The following NTRK3 variants were observed in gnomAD, a reference collection of about 807,000 sequenced individuals.
NTRK3 encodes NT-3 growth factor receptor.
Under a neutral mutation model 91.7 loss-of-function variants are expected in NTRK3, and 24 were observed. The observed-to-expected ratio is 0.26, with a 90% CI of 0.19 to 0.37. NTRK3 has a LOEUF of 0.37. NTRK3 is among the 10% of genes least tolerant of loss of function. The pLI, the probability that NTRK3 is intolerant of heterozygous loss-of-function variation, is 1.00. For missense variants in NTRK3, 880 were observed against 1,068.9 expected (o/e 0.82, Z 2.46); for synonymous variants, 483 against 404.0 (o/e 1.20, Z -2.34).
At chr15:88,104,867 C>A (rs1364808213) in intron 13 of NTRK3, among the ~76,000 whole-genome samples, 2 of 152,200 alleles carry the variant, frequency 1.3e-5, no homozygotes, top group Non-Finnish European at 2.9e-5. Context: ...GGAGTTAATT[C>A]TCTACTGCCC....
chr15:88,206,275 G>A (rs1017574757), intron 3 of NTRK3, among the ~76,000 whole-genome samples: 3 of 150,632 alleles, frequency 2.0e-5, no homozygotes, highest in Non-Finnish European at 4.4e-5. Flanking sequence ...AACCCCGGGG[G>A]GCGGAGCCTG....
At chr15:87,892,530 A>G (rs1480113692) in intron 17 of NTRK3, among the ~76,000 whole-genome samples, 1 of 152,204 alleles carries the variant, frequency 6.6e-6, no homozygotes, top group Non-Finnish European at 1.5e-5. Context: ...ATGCATTTCC[A>G]TTAATATTTT....
chr15:88,037,613 A>T (rs1225607931), intron 13 of NTRK3, among the ~76,000 whole-genome samples: 2 of 152,188 alleles, frequency 1.3e-5, no homozygotes, highest in African/African-American at 4.8e-5. Context: ...CTAGAAGTTC[A>T]AGAGACAAAT....
intron 5 of NTRK3, among the ~76,000 whole-genome samples, chr15:88,178,944 C>G (rs74027793): frequency 0.014 from 2,179 of 152,258 alleles, 55 homozygotes; most frequent in African/African-American, 0.048. Context: ...AAAAACGCTC[C>G]TGGGACGTAA....
intron 5 of NTRK3, among the ~76,000 whole-genome samples, chr15:88,175,084 C>A (rs1385381395): frequency 6.6e-6 from 1 of 152,214 alleles, no homozygotes; most frequent in African/African-American, 2.4e-5. Flanking sequence ...GTTTCATGCA[C>A]CCCCAGTAGC....
At chr15:88,245,382 A>G (rs1341475404) in intron 3 of NTRK3, among the ~76,000 whole-genome samples, 1 of 152,184 alleles carries the variant, frequency 6.6e-6, no homozygotes, top group East Asian at 1.9e-4. Context: ...TGAGGCTCAG[A>G]AAAGTTAAGT....
intron 17 of NTRK3, among the ~76,000 whole-genome samples, chr15:87,907,403 A>G (rs1337468631): frequency 1.3e-5 from 2 of 152,194 alleles, no homozygotes; most frequent in East Asian, 3.9e-4. Flanking sequence ...AACCTATAAA[A>G]CTGATCCTGA....
At chr15:87,990,227 G>A (rs200396420) in intron 14 of NTRK3, among the ~76,000 whole-genome samples, 1 of 152,072 alleles carries the variant, frequency 6.6e-6, no homozygotes, top group African/African-American at 2.4e-5. Context: ...GTTCCTATTA[G>A]GAACCCAGAT....
At chr15:87,934,050 C>A (rs1308571769) in intron 15 of NTRK3, among the ~76,000 whole-genome samples, 1 of 152,162 alleles carries the variant, frequency 6.6e-6, no homozygotes, top group African/African-American at 2.4e-5. Context: ...GTGGATTTCC[C>A]AGCACCAGAA....
At chr15:88,086,125 T>C (rs1043549585) in intron 13 of NTRK3, among the ~76,000 whole-genome samples, 3 of 152,178 alleles carry the variant, frequency 2.0e-5, no homozygotes. Context: ...CCAGAACCGT[T>C]CTCTAGAGAG....
intron 14 of NTRK3, among the ~76,000 whole-genome samples, chr15:87,973,046 T>G (rs937490286): frequency 5.3e-5 from 8 of 152,178 alleles, no homozygotes; most frequent in African/African-American, 1.7e-4. Context: ...TTTTTGTCAT[T>G]CCTCGCCATC....
intron 13 of NTRK3, among the ~76,000 whole-genome samples, chr15:88,051,446 G>A (rs890121581): frequency 2.0e-5 from 3 of 152,198 alleles, no homozygotes; most frequent in Admixed American, 6.5e-5. Flanking sequence ...GAAGGAAGTT[G>A]TTGTGACTCC....
At chr15:88,119,051 C>G (rs1278939226) in intron 13 of NTRK3, among the ~76,000 whole-genome samples, 2 of 152,210 alleles carry the variant, frequency 1.3e-5, no homozygotes, top group Non-Finnish European at 2.9e-5. Flanking sequence ...CAAGGGAATT[C>G]CCTTTGAATA....
chr15:87,959,205 C>G (rs1256212041), intron 14 of NTRK3, among the ~76,000 whole-genome samples: 1 of 152,188 alleles, frequency 6.6e-6, no homozygotes, highest in Non-Finnish European at 1.5e-5. Flanking sequence ...GGATAATTAT[C>G]TTCCTGACTT....
At chr15:87,863,808 G>A in exon 19 of NTRK3, 1 of 231,518 alleles carries the variant, frequency 4.3e-6, no homozygotes, top group Non-Finnish European at 8.5e-6. Context: ...AAATATTTGG[G>A]TAAAACTTTG....
chr15:87,939,950 C>T (rs2069659203), intron 15 of NTRK3, among the ~76,000 whole-genome samples: 1 of 152,342 alleles, frequency 6.6e-6, no homozygotes, highest in South Asian at 2.1e-4. Flanking sequence ...CAATTCAGCT[C>T]CTGCTGCAAA....
intron 3 of NTRK3, among the ~76,000 whole-genome samples, chr15:88,220,489 C>G (rs977238551): frequency 1.3e-5 from 2 of 152,176 alleles, no homozygotes; most frequent in Admixed American, 1.3e-4. Flanking sequence ...TGTGTGACGC[C>G]AGCAAGTCAC....
chr15:88,102,548 C>T (rs939876213), intron 13 of NTRK3, among the ~76,000 whole-genome samples: 3 of 152,020 alleles, frequency 2.0e-5, no homozygotes, highest in Admixed American at 1.3e-4. Flanking sequence ...ATGGTTGAGT[C>T]GATGGATATC....
intron 3 of NTRK3, among the ~76,000 whole-genome samples, chr15:88,223,622 G>C (rs377500850): frequency 6.6e-5 from 10 of 152,330 alleles, no homozygotes; most frequent in East Asian, 3.9e-4. Context: ...CCACTTCATC[G>C]CTCCATGGTC....
Sources: gnomAD v4.1 joint callset for allele counts (sites outside exome capture counted in the v4.1 genomes callset) on GRCh38, gnomAD v4.1.1 for gene constraint, MANE v1.5 for transcripts, NCBI Gene and HGNC (gene_info 2026-07-23, HGNC 2026-07-21) for gene names.